The following FOXF1 variants were observed in gnomAD, a reference collection of about 807,000 sequenced individuals.
FOXF1 encodes the protein forkhead box F1, also known as forkhead box protein F1.
A neutral mutation model predicts 26.6 loss-of-function variants in FOXF1; 9 were observed. The observed-to-expected ratio is 0.34, with a 90% confidence interval of 0.20 to 0.59. The LOEUF (loss-of-function observed/expected upper bound fraction) is 0.59, where lower values mean the gene tolerates loss of function less well. FOXF1 is among the 20% of genes least tolerant of loss of function. The pLI is 0.83. For missense variants in FOXF1, 499 were observed against 549.9 expected (o/e 0.91, Z 0.93); for synonymous variants, 330 against 257.7 (o/e 1.28, Z -2.69).
chr16:86,515,020 C>A lies in FOXF1; in HGVS notation c.*1935C>A, dbSNP rs1242609290. On this transcript the variant is annotated 3_prime_UTR_variant, in exon 2 of 2. Transcript: ENST00000262426. The surrounding 1 kb of genome is among the most constrained non-coding windows in gnomAD (Gnocchi z 4.1). ...CTTGTTTTGTTTTGGCTTTTTGGTG[C>A]CTTGTTCTTGGTTTTCCCCGATAGA... 1.3e-5 allele frequency: 2 copies of A among 151,798 alleles called. No individual in the cohort carries two copies. The highest frequency in any genetic ancestry group is 3.9e-4 in the East Asian group (2 of 5,176). The allele number at this position is 151,798 out of a possible 1,614,324, so 9.4% of individuals were successfully genotyped here. A position where few individuals can be genotyped will look rare whatever the true frequency, so the allele number is the denominator to read the frequency against.
At position 86,511,250 on chromosome 16, in the gene FOXF1, C is replaced by T; in HGVS notation, c.681C>T (p.Gly227=). 6.6e-7 allele frequency: 1 copy of T among 1,521,952 alleles called. No homozygotes were observed. Among genetic ancestry groups the T allele is most frequent in the Middle Eastern group, 1.9e-4 (1 of 5,206 alleles). The allele number at this position is 1,521,952 out of a possible 1,614,324, so 94.3% of individuals were successfully genotyped here. A position where few individuals can be genotyped will look rare whatever the true frequency, so the allele number is the denominator to read the frequency against. ...PSNGGHSYMG[G]CGGAAAGEYP... The stretch of plus-strand genomic sequence containing the variant: ...ACGGCGGCCACTCGTACATGGGCGG[C>T]TGCGGCGGCGCGGCGGCCGGCGAGT... Residue 227 remains glycine, a synonymous_variant, in exon 1 of 2, where the codon GGC becomes GGT. Coordinates refer to ENST00000262426, the MANE Select transcript of FOXF1 (RefSeq NM_001451.3).
Position 86,513,040 on chromosome 16 carries a change from C to T in FOXF1, c.1095C>T (p.Tyr365=), listed in dbSNP as rs1969593041. 1.2e-6 allele frequency: 2 copies of T among 1,613,408 alleles called. No homozygotes were observed. Among genetic ancestry groups the T allele is most frequent in the East Asian group, 2.2e-5 (1 of 44,888 alleles). The change falls in exon 2 of 2, where the codon TAC becomes TAT. Residue 365 remains tyrosine (Y), a synonymous_variant. Coordinates refer to ENST00000262426, the MANE Select transcript of FOXF1 (RefSeq NM_001451.3). ...ACTCGGCCGGCGGGGGCTCCTACTA[C>T]CACCAGCAGGTCACCTACCAAGACA... ...SMHSAGGGSY[Y]HQQVTYQDIK...
At position 86,514,531 on chromosome 16, in the gene FOXF1, G is replaced by T. The variant is rs1281945539; in HGVS notation, c.*1446G>T. ...TAGAGGGGGGAAAAAAGAAAAAACA[G>T]GCTTTGGATCTCTAGACGCTTAAAA... On this transcript the variant is annotated 3_prime_UTR_variant, in exon 2 of 2. Coordinates refer to ENST00000262426, the MANE Select transcript of FOXF1 (RefSeq NM_001451.3). 1 of 152,094 alleles carries T rather than the reference G, an allele frequency of 6.6e-6. No individual in the cohort carries two copies. Among genetic ancestry groups the T allele is most frequent in the Non-Finnish European group, 1.5e-5 (1 of 68,028 alleles). 9.4% of individuals were successfully genotyped at this position (152,094 alleles called of 1,614,324 possible).
intron 1 of FOXF1, 102 bp downstream of exon 1, chr16:86,511,650 C>G (rs1212349466): frequency 2.0e-6 from 3 of 1,513,240 alleles, no homozygotes; most frequent in Non-Finnish European, 2.7e-6. Context: ...GGTCGGAACC[C>G]CAAGGCTGAG....
rs1393566388 is a variant in FOXF1 at position 86,513,216 on chromosome 16, G to C, written c.*131G>C. On this transcript the variant is annotated 3_prime_UTR_variant, in exon 2 of 2. Transcript: ENST00000262426. ...AGGGTTCCACCTCTCCCCAACCGGAGTTTTTGGCAAGGAGTCCCCAATGCA... is the reference window on the plus strand; with the variant it reads ...AGGGTTCCACCTCTCCCCAACCGGACTTTTTGGCAAGGAGTCCCCAATGCA... The C allele has an allele frequency of 8.1e-6, 8 of 986,276 alleles. No homozygotes were observed. The highest frequency in any genetic ancestry group is 7.9e-5 in the East Asian group (3 of 38,090). The allele number at this position is 986,276 out of a possible 1,614,324, so 61.1% of individuals were successfully genotyped here.
At position 86,510,836 on chromosome 16, in the gene FOXF1, C is replaced by T; in HGVS notation, c.267C>T (p.Tyr89=). ...GCTTCCCCTTCTTCCGGGGCTCCTA[C>T]CAGGGCTGGAAGAACTCCGTGCGCC... The part of the protein sequence containing the change: ...QSRFPFFRGS[Y]QGWKNSVRHN... The change falls in exon 1 of 2, where the codon TAC becomes TAT. Residue 89 remains tyrosine (Y), a synonymous_variant. Coordinates refer to ENST00000262426, the MANE Select transcript of FOXF1 (RefSeq NM_001451.3). 1 of 1,614,168 alleles carries T rather than the reference C, an allele frequency of 6.2e-7. No individual in the cohort carries two copies. Among genetic ancestry groups the T allele is most frequent in the South Asian group, 1.1e-5 (1 of 91,088 alleles).
At chr16:86,512,857 C>A in intron 1 of FOXF1, 68 bp from the exon 2 acceptor site, 1 of 1,593,514 alleles carries the variant, frequency 6.3e-7, no homozygotes, top group Non-Finnish European at 8.6e-7. Flanking sequence ...TGCTCCTCTG[C>A]CTGAACTCTG....
chr16:86,514,641 C>T lies in FOXF1; in HGVS notation c.*1556C>T, dbSNP rs1044363387. 1 of 152,084 alleles carries T rather than the reference C, an allele frequency of 6.6e-6. No individual in the cohort carries two copies. Among genetic ancestry groups the T allele is most frequent in the Non-Finnish European group, 1.5e-5 (1 of 68,012 alleles). 9.4% of individuals were successfully genotyped at this position (152,084 alleles called of 1,614,324 possible). ...ACTCTTCATTCCACTTTGAAGTAAACGCTGGACAAGAGGAACTATTTTTCT... is the reference window on the plus strand; with the variant it reads ...ACTCTTCATTCCACTTTGAAGTAAATGCTGGACAAGAGGAACTATTTTTCT... On this transcript the variant is annotated 3_prime_UTR_variant, in exon 2 of 2. Coordinates refer to ENST00000262426, the MANE Select transcript of FOXF1 (RefSeq NM_001451.3).
At position 86,510,603 on chromosome 16, in the gene FOXF1, C is replaced by T. The variant is rs1238672381; in HGVS notation, c.34C>T (p.His12Tyr). The T allele has an allele frequency of 2.2e-6, 3 of 1,389,164 alleles. No homozygotes were observed. The highest frequency in any genetic ancestry group is 2.8e-6 in the Non-Finnish European group (3 of 1,080,810). 86.1% of individuals were successfully genotyped at this position (1,389,164 alleles called of 1,614,324 possible). A position where few individuals can be genotyped will look rare whatever the true frequency, so the allele number is the denominator to read the frequency against. Residue 12 changes from histidine to tyrosine, a missense_variant, in exon 1 of 2, where the codon CAC (histidine) becomes TAC (tyrosine). His to Tyr is a moderately conservative substitution (Grantham distance 83). Around this residue, in one of 5 missense-constraint regions of FOXF1, gnomAD observed 76 missense variants for 78.9 expected, o/e 0.96. Coordinates refer to ENST00000262426, the MANE Select transcript of FOXF1 (RefSeq NM_001451.3). ...SSAPEKQQPP[H>Y]GGGGGGGGGG... The stretch of plus-strand genomic sequence containing the variant: ...GGCGCCCGAGAAGCAGCAGCCACCG[C>T]ACGGCGGCGGCGGCGGCGGCGGCGG...
rs371761992 is a variant in FOXF1, at chr16:86,511,544, G to T, written c.975G>T (p.Leu325=). 4 of 1,585,802 alleles carry T rather than the reference G, an allele frequency of 2.5e-6. No individual in the cohort carries two copies. Among genetic ancestry groups the T allele is most frequent in the Non-Finnish European group, 3.4e-6 (4 of 1,174,188 alleles). Residue 325 remains leucine (L), a synonymous_variant, in exon 1 of 2, where the codon CTG becomes CTT. Transcript: ENST00000262426. ...ACAGCCACAACGCCCCAGCCGAGCTGCAAGGTGAGTGGGGAGGCCGAGGGC... is the reference window on the plus strand; with the variant it reads ...ACAGCCACAACGCCCCAGCCGAGCTTCAAGGTGAGTGGGGAGGCCGAGGGC... ...HQNSHNAPAE[L]QGIPRYHSQS...
chr16:86,512,775 C>A, intron 1 of FOXF1, 150 bp from the exon 2 acceptor site: 2 of 869,692 alleles, frequency 2.3e-6, no homozygotes, highest in Non-Finnish European at 1.9e-6. Context: ...GGCCGGGACT[C>A]GGGGAGGAGA....
Position 86,513,011 on chromosome 16 carries a change from A to C in FOXF1, c.1066A>C (p.Met356Leu). The C allele has an allele frequency of 6.2e-7, 1 of 1,613,944 alleles. No homozygotes were observed. Among genetic ancestry groups the C allele is most frequent in the Non-Finnish European group, 8.5e-7 (1 of 1,180,016 alleles). ...FSFNAMASSSMHSAGGGSYYH... is the reference protein window; with the variant it reads ...FSFNAMASSSLHSAGGGSYYH... Reference sequence around the variant, plus strand: ...TTTCAACGCCATGGCGTCCTCTTCCATGCACTCGGCCGGCGGGGGCTCCTA... The same window carrying C: ...TTTCAACGCCATGGCGTCCTCTTCCCTGCACTCGGCCGGCGGGGGCTCCTA... The change falls in exon 2 of 2, where the codon ATG becomes CTG. Residue 356 changes from methionine (M) to leucine (L), a missense_variant. Met to Leu is a conservative substitution (Grantham distance 15). Transcript: ENST00000262426.
chr16:86,511,614 G>A (rs918371749), intron 1 of FOXF1, 66 bp downstream of exon 1: 2 of 1,535,574 alleles, frequency 1.3e-6, no homozygotes, highest in Non-Finnish European at 8.7e-7. Flanking sequence ...GCGGGACCCA[G>A]CTGGGGCGAG....
In FOXF1 at chr16:86,513,066, T is replaced by G. The variant is rs771155452; in HGVS notation, c.1121T>G (p.Ile374Ser). The G allele has an allele frequency of 6.2e-7, 1 of 1,612,442 alleles. No individual in the cohort carries two copies. The highest frequency in any genetic ancestry group is 8.5e-7 in the Non-Finnish European group (1 of 1,180,000). The stretch of plus-strand genomic sequence containing the variant: ...CACCAGCAGGTCACCTACCAAGACA[T>G]CAAGCCTTGCGTGATGTGAGGCTGC... ...YYHQQVTYQDIKPCVM is the reference protein window; with the variant it reads ...YYHQQVTYQDSKPCVM Residue 374 changes from isoleucine (I) to serine (S), a missense_variant, in exon 2 of 2, where the codon ATC becomes AGC. Coordinates refer to ENST00000262426, the MANE Select transcript of FOXF1 (RefSeq NM_001451.3).
At chr16:86,512,657 C>T (rs1212036431) in intron 1 of FOXF1, among the ~76,000 whole-genome samples, 1 of 151,650 alleles carries the variant, frequency 6.6e-6, no homozygotes, top group Admixed American at 6.5e-5. Context: ...GCCCTGGGCC[C>T]CTGCACGGTG....
Position 86,512,983 on chromosome 16 carries a change from C to G in FOXF1, c.1038C>G (p.Phe346Leu). 2.5e-6 allele frequency: 4 copies of G among 1,614,176 alleles called. No individual in the cohort carries two copies. Among genetic ancestry groups the G allele is most frequent in the Non-Finnish European group, 3.4e-6 (4 of 1,180,056 alleles). The change falls in exon 2 of 2, where the codon TTC becomes TTG. Residue 346 changes from phenylalanine (F) to leucine (L), a missense_variant. Around this residue, in one of 5 missense-constraint regions of FOXF1, gnomAD observed 367 missense variants for 324.8 expected, o/e 1.13. Coordinates refer to ENST00000262426, the MANE Select transcript of FOXF1 (RefSeq NM_001451.3). ...PSMCDRKEFV[F>L]SFNAMASSSM... is the part of the protein sequence containing the mutation. ...TGTGTGACCGAAAGGAGTTTGTCTT[C>G]TCTTTCAACGCCATGGCGTCCTCTT...
chr16:86,514,064 A>G lies in FOXF1; in HGVS notation c.*979A>G, dbSNP rs181652913. The stretch of plus-strand genomic sequence containing the variant: ...TTATTTATTCTACTTTCTTTCCCTA[A>G]TAATCAAAACACCGCGTAGGCTCCT... On this transcript the variant is annotated 3_prime_UTR_variant, in exon 2 of 2. Transcript: ENST00000262426. 1.3e-5 allele frequency: 2 copies of G among 152,204 alleles called. No individual in the cohort carries two copies. Among genetic ancestry groups the G allele is most frequent in the Non-Finnish European group, 2.9e-5 (2 of 68,042 alleles). The allele number at this position is 152,204 out of a possible 1,614,324, so 9.4% of individuals were successfully genotyped here. A position where few individuals can be genotyped will look rare whatever the true frequency, so the allele number is the denominator to read the frequency against.
In FOXF1 at chr16:86,512,913, CTCGCCTTG is replaced by C. The variant is rs1567511779; in HGVS notation, c.980-11_980-4del. 6.2e-7 allele frequency: 1 copy of C among 1,614,010 alleles called. No individual in the cohort carries two copies. The highest frequency in any genetic ancestry group is 1.1e-5 in the South Asian group (1 of 91,086). On this transcript the variant is annotated splice_region_variant and splice_polypyrimidine_tract_variant and intron_variant, in intron 1 of 1. Coordinates refer to ENST00000262426, the MANE Select transcript of FOXF1 (RefSeq NM_001451.3). ...CTGCTCCCCCAACCCCTCCTGTCGC[CTCGCCTTG>C]CAGGCATCCCGCGGTATCACTCGCA...
chr16:86,513,552 T>TA lies in FOXF1; in HGVS notation c.*467_*468insA, dbSNP rs201645265. 1,963 of 167,180 alleles carry TA rather than the reference T, an allele frequency of 0.012. 42 individuals are homozygous for TA. Among genetic ancestry groups the TA allele is most frequent in the African/African-American group, 0.044 (1,841 of 41,572 alleles). The allele number at this position is 167,180 out of a possible 1,614,324, so 10.4% of individuals were successfully genotyped here. Reference sequence around the variant, plus strand: ...TATTTATCTTTTTATTTTTTATTTTTTTTTTGAAAGAATGTCTTGGAATGC... The same window carrying TA: ...TATTTATCTTTTTATTTTTTATTTTTATTTTTGAAAGAATGTCTTGGAATGC... On this transcript the variant is annotated 3_prime_UTR_variant, in exon 2 of 2. Coordinates refer to ENST00000262426, the MANE Select transcript of FOXF1 (RefSeq NM_001451.3).
Sources: allele counts gnomAD v4.1 joint callset (sites outside exome capture counted in the v4.1 genomes callset), GRCh38; gene constraint gnomAD v4.1.1; regional missense constraint gnomAD v4.1.1; non-coding constraint Gnocchi (gnomAD v3.1); transcripts MANE v1.5; gene names NCBI Gene and HGNC (gene_info 2026-07-23, HGNC 2026-07-21).